Variants in SH2D2A observed in about 807,000 individuals in gnomAD.
The protein encoded by SH2D2A is SH2 domain containing 2A, also known as SH2 domain-containing protein 2A.
In SH2D2A, 33 loss-of-function variants were observed where a neutral mutation model predicts 43.6. The observed-to-expected ratio is 0.76, with a 90% confidence interval of 0.57 to 1.01. The LOEUF (loss-of-function observed/expected upper bound fraction) is 1.01, where lower values mean the gene tolerates loss of function less well. Among genes scored for constraint, SH2D2A ranks in the 50% least tolerant of loss-of-function variants. SH2D2A has a pLI of 0.00. For missense variants in SH2D2A, 491 were observed against 503.1 expected (o/e 0.98, Z 0.23); for synonymous variants, 212 against 206.1 (o/e 1.03, Z -0.25).
At chr1:156,813,205 G>T (rs772461755) in intron 5 of SH2D2A, among the ~76,000 whole-genome samples, 1 of 152,174 alleles carries the variant, frequency 6.6e-6, no homozygotes, top group African/African-American at 2.4e-5. Context: ...AGTGGCTCAC[G>T]CCTGTAATCC....
intron 5 of SH2D2A, among the ~76,000 whole-genome samples, chr1:156,811,442 G>C (rs1571615692): frequency 6.6e-6 from 1 of 152,206 alleles, no homozygotes; most frequent in South Asian, 2.1e-4. Flanking sequence ...ACAAGACTCT[G>C]TGTGATCTCA....
At chr1:156,812,811 T>C (rs530556748) in intron 5 of SH2D2A, among the ~76,000 whole-genome samples, 22 of 152,286 alleles carry the variant, frequency 1.4e-4, no homozygotes, top group Admixed American at 5.2e-4. Flanking sequence ...CTTTGCTTGT[T>C]ATCCATATTA....
rs1233674221 is a variant in SH2D2A, at chr1:156,809,537, G to A, written c.715-47C>T. The A allele has an allele frequency of 6.4e-7, 1 of 1,559,462 alleles. No homozygotes were observed. Among genetic ancestry groups the A allele is most frequent in the East Asian group, 2.3e-5 (1 of 44,368 alleles). On this transcript the variant is annotated intron_variant, in intron 6 of 8. Transcript: ENST00000368199. This position sits in a 1 kb window ranked among gnomAD's most constrained non-coding sequence, Gnocchi z 4.8. The stretch of plus-strand genomic sequence containing the variant: ...GGGAGGAGTGGGGTGAGGGAGGCAG[G>A]GTTAAAGCCCCAGCCTAACTCCCAG...
At chr1:156,808,724 G>A (rs1357334033) in intron 7 of SH2D2A, among the ~76,000 whole-genome samples, 1 of 152,170 alleles carries the variant, frequency 6.6e-6, no homozygotes, top group East Asian at 1.9e-4. Flanking sequence ...AGCAGGCTGG[G>A]AGAGCAGGGT....
chr1:156,815,750 G>C, intron 2 of SH2D2A: 1 of 1,541,342 alleles, frequency 6.5e-7, no homozygotes, highest in Non-Finnish European at 9.0e-7. Context: ...TCAATGCACT[G>C]CACCCTGGTC....
intron 5 of SH2D2A, among the ~76,000 whole-genome samples, chr1:156,813,267 A>C (rs1018132164): frequency 8.6e-5 from 13 of 152,002 alleles, no homozygotes; most frequent in African/African-American, 3.1e-4. Flanking sequence ...CCCTGGCCTC[A>C]TCCTGGAAGG....
chr1:156,815,732 T>C (rs1463166118), intron 2 of SH2D2A: 4 of 1,389,964 alleles, frequency 2.9e-6, no homozygotes, highest in Non-Finnish European at 4.1e-6. Flanking sequence ...GATGCCTGCT[T>C]CTGGGACTCA....
chr1:156,816,563 C>A, intron 1 of SH2D2A, 112 bp downstream of exon 1: 1 of 1,127,728 alleles, frequency 8.9e-7, no homozygotes, highest in Non-Finnish European at 1.3e-6. Flanking sequence ...CCAGCTCTGG[C>A]TTAGGGTGGG....
Position 156,809,129 on chromosome 1 carries a change from C to T in SH2D2A, c.1002+74G>A. On this transcript the variant is annotated intron_variant, in intron 7 of 8. Coordinates refer to ENST00000368199, the MANE Select transcript of SH2D2A (RefSeq NM_003975.4). This position sits in a 1 kb window ranked among gnomAD's most constrained non-coding sequence, Gnocchi z 4.8. Reference sequence around the variant, plus strand: ...CCCTGCCCCAGGCATCCACTCTGAACACCTTCTTCACCTTCCCCCATCTAC... The same window carrying T: ...CCCTGCCCCAGGCATCCACTCTGAATACCTTCTTCACCTTCCCCCATCTAC... The T allele has an allele frequency of 2.0e-6, 3 of 1,478,714 alleles. No homozygotes were observed. Among genetic ancestry groups the T allele is most frequent in the East Asian group, 4.5e-5 (2 of 43,970 alleles). 91.6% of individuals were successfully genotyped at this position (1,478,714 alleles called of 1,614,324 possible).
chr1:156,814,000 GGCA>G lies in SH2D2A; in HGVS notation c.412_414del (p.Cys138del). 1 of 1,516,254 alleles carries G rather than the reference GGCA, an allele frequency of 6.6e-7. No individual in the cohort carries two copies. Among genetic ancestry groups the G allele is most frequent in the East Asian group, 2.5e-5 (1 of 40,394 alleles). The allele number at this position is 1,516,254 out of a possible 1,614,324, so 93.9% of individuals were successfully genotyped here. A position where few individuals can be genotyped will look rare whatever the true frequency, so the allele number is the denominator to read the frequency against. Reference sequence around the variant, plus strand: ...CTGAGCTGGGCCAGCAGGAAGTGGCGGCAGCAAGTCCGGCTCCTGGAGGGCGCC... The same window carrying G: ...CTGAGCTGGGCCAGCAGGAAGTGGCGGCAAGTCCGGCTCCTGGAGGGCGCC... On this transcript the variant is annotated inframe_deletion, in exon 5 of 9. Transcript: ENST00000368199.
intron 5 of SH2D2A, among the ~76,000 whole-genome samples, chr1:156,811,180 C>A (rs1329651637): frequency 6.6e-6 from 1 of 152,198 alleles, no homozygotes; most frequent in Non-Finnish European, 1.5e-5. Context: ...TCCACCTCCT[C>A]CCTCTTGACA....
Position 156,807,195 on chromosome 1 carries a change from G to A in SH2D2A, c.1153C>T (p.Leu385Phe). ...CTTACCGCCTACTGAGGAGGCCCAA[G>A]GGGAAGCCATGCCTGTCCTCTGTCC... ...LQDRGQAWLPLGPPQ is the reference protein window; with the variant it reads ...LQDRGQAWLPFGPPQ The change falls in exon 8 of 9, where the codon CTT becomes TTT. Residue 385 changes from leucine (L) to phenylalanine (F), a missense_variant. Transcript: ENST00000368199. This position sits in a 1 kb window ranked among gnomAD's most constrained non-coding sequence, Gnocchi z 5.1. 6.2e-7 allele frequency: 1 copy of A among 1,612,910 alleles called. No individual in the cohort carries two copies. Among genetic ancestry groups the A allele is most frequent in the Non-Finnish European group, 8.5e-7 (1 of 1,179,860 alleles).
Position 156,807,433 on chromosome 1 carries a change from G to T in SH2D2A, c.1003-88C>A. On this transcript the variant is annotated intron_variant, in intron 7 of 8. Transcript: ENST00000368199. This position sits in a 1 kb window ranked among gnomAD's most constrained non-coding sequence, Gnocchi z 5.1. ...AGTCTCAAGACATCTGATCTGAACA[G>T]ACTTTGGCTTCCAGAGAGGGTATCT... The T allele has an allele frequency of 1.7e-6, 2 of 1,188,924 alleles. No individual in the cohort carries two copies. Among genetic ancestry groups the T allele is most frequent in the Non-Finnish European group, 2.3e-6 (2 of 877,252 alleles). The allele number at this position is 1,188,924 out of a possible 1,614,324, so 73.6% of individuals were successfully genotyped here.
Position 156,813,985 on chromosome 1 carries a change from C to A in SH2D2A, c.430G>T (p.Ala144Ser). 6.6e-7 allele frequency: 1 copy of A among 1,523,966 alleles called. No individual in the cohort carries two copies. The allele number at this position is 1,523,966 out of a possible 1,614,324, so 94.4% of individuals were successfully genotyped here. Residue 144 changes from alanine (A) to serine (S), a missense_variant, in exon 5 of 9, where the codon GCC (alanine) becomes TCC (serine). Coordinates refer to ENST00000368199, the MANE Select transcript of SH2D2A (RefSeq NM_003975.4). ...SRTCCRHFLL[A>S]QLRDGRHVVL... ...ACGTGGCGCCCGTCCCTGAGCTGGG[C>A]CAGCAGGAAGTGGCGGCAGCAAGTC...
chr1:156,811,503 C>T (rs1653417689), intron 5 of SH2D2A, among the ~76,000 whole-genome samples: 2 of 152,190 alleles, frequency 1.3e-5, no homozygotes, highest in Admixed American at 1.3e-4. Flanking sequence ...GGCTCCTCCT[C>T]ACCCCCAGAC....
At chr1:156,814,394 C>T in intron 3 of SH2D2A, 100 bp from the exon 4 acceptor site, 2 of 1,520,336 alleles carry the variant, frequency 1.3e-6, no homozygotes, top group South Asian at 2.5e-5. Context: ...CCCAAGCAAG[C>T]ATGCTGGAGC....
rs757636696 is a variant in SH2D2A at position 156,807,272 on chromosome 1, G to C, written c.1076C>G (p.Pro359Arg). 3 of 1,598,972 alleles carry C rather than the reference G, an allele frequency of 1.9e-6. No homozygotes were observed. The highest frequency in any genetic ancestry group is 2.6e-6 in the Non-Finnish European group (3 of 1,176,254). The change falls in exon 8 of 9, where the codon CCA becomes CGA. Residue 359 changes from proline to arginine, a missense_variant. Physicochemically the swap from Pro to Arg is moderately radical, Grantham distance 103. Coordinates refer to ENST00000368199, the MANE Select transcript of SH2D2A (RefSeq NM_003975.4). The surrounding 1 kb of genome is among the most constrained non-coding windows in gnomAD (Gnocchi z 5.1). ...GQGPPLPHQP[P>R]PAWRHTLPHN... The stretch of plus-strand genomic sequence containing the variant: ...GGGGAGGGTGTGTCTCCAGGCGGGT[G>C]GGGGCTGGTGGGGCAGGGGAGGGCC...
chr1:156,815,083 G>T lies in SH2D2A; in HGVS notation c.262C>A (p.Gln88Lys). 6.2e-7 allele frequency: 1 copy of T among 1,606,258 alleles called. No homozygotes were observed. The highest frequency in any genetic ancestry group is 8.5e-7 in the Non-Finnish European group (1 of 1,176,252). The change falls in exon 3 of 9, where the codon CAG (glutamine) becomes AAG (lysine). Residue 88 changes from glutamine (Q) to lysine (K), a missense_variant. Gln to Lys is a moderately conservative substitution (Grantham distance 53). Transcript: ENST00000368199. ...FQKTQAHWLL[Q>K]HGAAPAWFHG... ...AACCAGGCAGGGGCTGCCCCGTGCT[G>T]CAGGAGCCAGTGGGCCTGGGTCTTC...
Position 156,813,886 on chromosome 1 carries a change from G to A in SH2D2A, c.529C>T (p.Pro177Ser). 4 of 1,541,292 alleles carry A rather than the reference G, an allele frequency of 2.6e-6. No individual in the cohort carries two copies. Among genetic ancestry groups the A allele is most frequent in the Non-Finnish European group, 3.5e-6 (4 of 1,147,394 alleles). Residue 177 changes from proline to serine, a missense_variant, in exon 5 of 9, where the codon CCC (proline) becomes TCC (serine). Transcript: ENST00000368199. ...GGCTCGGTGAGCGTCTCCCCGTAGG[G>A]GCTGAGCGGGTGCGCGGTGTAGTGC... ...LLHYTAHPLS[P>S]YGETLTEPLA...
Sources: allele counts gnomAD v4.1 joint callset (sites outside exome capture counted in the v4.1 genomes callset), GRCh38; gene constraint gnomAD v4.1.1; non-coding constraint Gnocchi (gnomAD v3.1); transcripts MANE v1.5; gene names NCBI Gene and HGNC (gene_info 2026-07-23, HGNC 2026-07-21).